Variants in DNAL1 observed in about 807,000 individuals in gnomAD.
DNAL1 encodes dynein axonemal light chain 1, also known as chromosome 14 open reading frame 168.
A neutral mutation model predicts 29.4 loss-of-function variants in DNAL1; 17 were observed. The observed-to-expected ratio is 0.58, with a 90% CI of 0.40 to 0.87. DNAL1 has a LOEUF of 0.87. Among genes scored for constraint, DNAL1 ranks in the 40% least tolerant of loss-of-function variants. The probability of loss-of-function intolerance (pLI) is 0.00; values close to 1 mark genes in which losing one functional copy is unlikely to be tolerated. For missense variants in DNAL1, 188 were observed against 214.1 expected (o/e 0.88, Z 0.76); for synonymous variants, 78 against 76.3 (o/e 1.02, Z -0.12).
chr14:73,681,624 AAAAAAAAAAAT>A (rs1456994290), intron 5 of DNAL1, among the ~76,000 whole-genome samples: 1 of 49,196 alleles, frequency 2.0e-5, no homozygotes, highest in African/African-American at 6.6e-5. Context: ...AAAAAAAAAA[AAAAAAAAAAAT>A]ATATATATAT....
chr14:73,665,682 G>A (rs898744502), intron 4 of DNAL1, among the ~76,000 whole-genome samples: 3 of 151,676 alleles, frequency 2.0e-5, no homozygotes, highest in South Asian at 2.1e-4. Context: ...TCCCAGCTAC[G>A]TGGGAGGCTG....
chr14:73,678,265 C>G (rs1891792834), intron 5 of DNAL1, among the ~76,000 whole-genome samples: 2 of 151,918 alleles, frequency 1.3e-5, no homozygotes, highest in African/African-American at 4.8e-5. Flanking sequence ...ACATTTTTAA[C>G]CTATTTTTCT....
intron 1 of DNAL1, among the ~76,000 whole-genome samples, chr14:73,648,905 TA>T (rs1394989694): frequency 1.3e-5 from 2 of 148,768 alleles, no homozygotes; most frequent in Non-Finnish European, 3.0e-5. Context: ...ATATATATAT[TA>T]ATTATTATAA....
chr14:73,689,099 T>C (rs957036125), intron 6 of DNAL1, among the ~76,000 whole-genome samples: 1 of 141,252 alleles, frequency 7.1e-6, no homozygotes, highest in Non-Finnish European at 1.5e-5. Context: ...ATTGGTGCAA[T>C]CTCTGCTCAC....
intron 3 of DNAL1, among the ~76,000 whole-genome samples, 160 bp from the exon 4 acceptor site, chr14:73,661,827 C>A (rs1241312864): frequency 1.3e-5 from 2 of 152,020 alleles, no homozygotes; most frequent in Admixed American, 6.6e-5. Context: ...CTTAGGTAAT[C>A]AGAGAAAAAC....
chr14:73,681,619 A>ATATATAT (rs1432754188), intron 5 of DNAL1, among the ~76,000 whole-genome samples: 1 of 42,114 alleles, frequency 2.4e-5, no homozygotes, highest in Non-Finnish European at 4.9e-5. Flanking sequence ...AAAAAAAAAA[A>ATATATAT]AAAAAAAAAA....
intron 5 of DNAL1, among the ~76,000 whole-genome samples, chr14:73,686,857 G>C (rs964434370): frequency 6.6e-6 from 1 of 152,066 alleles, no homozygotes; most frequent in Non-Finnish European, 1.5e-5. Flanking sequence ...CAAATAACCT[G>C]CCTTATCGGC....
chr14:73,683,744 G>T (rs1891949327), intron 5 of DNAL1, among the ~76,000 whole-genome samples: 1 of 150,556 alleles, frequency 6.6e-6, no homozygotes, highest in South Asian at 2.1e-4. Flanking sequence ...GTTCACTCTT[G>T]TTACCCAGGC....
chr14:73,678,464 A>G (rs1891796047), intron 5 of DNAL1, among the ~76,000 whole-genome samples: 1 of 151,780 alleles, frequency 6.6e-6, no homozygotes. Flanking sequence ...AGATAAAGAA[A>G]CTGAGGCTCA....
chr14:73,658,794 T>C, intron 2 of DNAL1, 53 bp from the exon 3 acceptor site: 1 of 1,411,026 alleles, frequency 7.1e-7, no homozygotes, highest in Non-Finnish European at 9.8e-7. Flanking sequence ...TGGCCTCTTT[T>C]GTTTCCACAT....
chr14:73,656,659 C>A (rs1337815784), intron 2 of DNAL1, among the ~76,000 whole-genome samples: 1 of 152,006 alleles, frequency 6.6e-6, no homozygotes, highest in African/African-American at 2.4e-5. Context: ...CTCCTGAGCT[C>A]AAGTGACCCT....
chr14:73,664,689 C>T (rs748650426), intron 4 of DNAL1, among the ~76,000 whole-genome samples: 4 of 151,716 alleles, frequency 2.6e-5, no homozygotes, highest in Admixed American at 6.6e-5. Context: ...GGCAACATAG[C>T]GAGACCCCCA....
chr14:73,675,368 C>T (rs915328711), intron 5 of DNAL1, among the ~76,000 whole-genome samples: 3 of 152,120 alleles, frequency 2.0e-5, no homozygotes, highest in Non-Finnish European at 2.9e-5. Context: ...TAATCTTGAA[C>T]TCCTGGGCTC....
intron 5 of DNAL1, among the ~76,000 whole-genome samples, chr14:73,682,171 CTTTTTT>C (rs755777316): frequency 1.5e-5 from 2 of 129,588 alleles, no homozygotes; most frequent in Admixed American, 8.1e-5. Flanking sequence ...CTTACTGTAA[CTTTTTT>C]TTTTTTTTTT....
Position 73,689,485 on chromosome 14 carries a change from AAG to A in DNAL1, c.507_508del (p.Arg169SerfsTer14). On this transcript the variant is annotated frameshift_variant, in exon 7 of 8. Transcript: ENST00000553645. LOFTEE classifies it high-confidence loss of function. ...GAATAACTGGATTGAAGAAGCAACCAAGAGAGTGCCCAAACTGAAAAAGCTGG... is the reference window on the plus strand; with the variant it reads ...GAATAACTGGATTGAAGAAGCAACCAAGAGTGCCCAAACTGAAAAAGCTGG... ...AENNWIEEAT[K>X]RVPKLKKLDG... The A allele has an allele frequency of 6.3e-7, 1 of 1,586,454 alleles. No individual in the cohort carries two copies.
intron 2 of DNAL1, among the ~76,000 whole-genome samples, chr14:73,658,061 A>G (rs1473593640): frequency 6.6e-6 from 1 of 152,086 alleles, no homozygotes; most frequent in African/African-American, 2.4e-5. Context: ...TCTTTAATTC[A>G]TCATGGTTGA....
chr14:73,695,048 CTTTTTTT>C (rs71112798), intron 7 of DNAL1, among the ~76,000 whole-genome samples: 1 of 60,886 alleles, frequency 1.6e-5, no homozygotes, highest in Admixed American at 2.6e-4. Flanking sequence ...TACTTGTTGG[CTTTTTTT>C]TTTTTTTTTT....
intron 2 of DNAL1, 58 bp from the exon 3 acceptor site, chr14:73,658,789 T>A (rs1212323835): frequency 1.5e-6 from 2 of 1,338,704 alleles, no homozygotes; most frequent in Non-Finnish European, 2.1e-6. Context: ...AATTCTGGCC[T>A]CTTTTGTTTC....
At chr14:73,647,364 C>CAAAA (rs199974495) in intron 1 of DNAL1, among the ~76,000 whole-genome samples, 1 of 92,740 alleles carries the variant, frequency 1.1e-5, no homozygotes, top group African/African-American at 4.8e-5. Context: ...GACTCTGTCT[C>CAAAA]AAAAAAAAAA....
Sources: gnomAD v4.1 joint callset for allele counts (sites outside exome capture counted in the v4.1 genomes callset) on GRCh38, gnomAD v4.1.1 for gene constraint, MANE v1.5 for transcripts, NCBI Gene and HGNC (gene_info 2026-07-23, HGNC 2026-07-21) for gene names.